Variants in ALCAM observed in about 807,000 individuals in gnomAD.
The protein encoded by ALCAM is CD166 antigen.
ALCAM carries 30 observed loss-of-function variants against 70.9 expected under a neutral mutation model. The observed-to-expected ratio is 0.42, with a 90% CI of 0.32 to 0.57. The LOEUF is 0.57. Ranked by LOEUF, ALCAM falls within the 20% of genes least tolerant of loss-of-function variation. The pLI is 0.11. For synonymous variants in ALCAM, 249 were observed against 242.5 expected, an observed-to-expected ratio of 1.03 and a Z score of -0.25; for missense variants, 591 against 695.1, an observed-to-expected ratio of 0.85 and a Z score of 1.68.
At chr3:105,573,971 A>C (rs1001222796) in intron 15 of ALCAM, among the ~76,000 whole-genome samples, 1 of 152,202 alleles carries the variant, frequency 6.6e-6, no homozygotes, top group African/African-American at 2.4e-5. Flanking sequence ...AGGAATCAGA[A>C]CTGGATTGCT....
chr3:105,569,617 A>G (rs1451375032), intron 14 of ALCAM, among the ~76,000 whole-genome samples: 2 of 152,240 alleles, frequency 1.3e-5, no homozygotes, highest in Non-Finnish European at 2.9e-5. Flanking sequence ...GGAAATAGAC[A>G]TAAAGGATCA....
chr3:105,461,536 A>T (rs1050787563), intron 1 of ALCAM, among the ~76,000 whole-genome samples: 1 of 151,870 alleles, frequency 6.6e-6, no homozygotes, highest in African/African-American at 2.4e-5. Flanking sequence ...TATTCTGGAA[A>T]GGGAGAGATC....
At chr3:105,551,013 G>T (rs1162752387) in intron 12 of ALCAM, among the ~76,000 whole-genome samples, 2 of 151,544 alleles carry the variant, frequency 1.3e-5, no homozygotes, top group Non-Finnish European at 3.0e-5. Flanking sequence ...ATGAGGCTCA[G>T]TTCTGGACAG....
chr3:105,413,982 C>A, intron 1 of ALCAM, among the ~76,000 whole-genome samples: 1 of 152,014 alleles, frequency 6.6e-6, no homozygotes, highest in Non-Finnish European at 1.5e-5. Flanking sequence ...ATGTTCAATG[C>A]TGGCAAAGGG....
At chr3:105,387,455 A>T (rs1935688889) in intron 1 of ALCAM, among the ~76,000 whole-genome samples, 2 of 151,658 alleles carry the variant, frequency 1.3e-5, no homozygotes, top group South Asian at 4.1e-4. Flanking sequence ...CTCACAGCAG[A>T]ACCTGTGTGT....
chr3:105,487,152 T>TA (rs11392771), intron 1 of ALCAM, among the ~76,000 whole-genome samples: 17,295 of 151,792 alleles, frequency 0.11, 1,161 homozygotes, highest in South Asian at 0.18. Context: ...AACTATTTTT[T>TA]AAAAAAACTA....
intron 1 of ALCAM, among the ~76,000 whole-genome samples, chr3:105,510,995 G>A (rs917165173): frequency 6.6e-6 from 1 of 151,958 alleles, no homozygotes; most frequent in East Asian, 1.9e-4. Context: ...CCTTAGAAAT[G>A]ATAAAACTAC....
intron 1 of ALCAM, among the ~76,000 whole-genome samples, chr3:105,370,238 T>C (rs1935192060): frequency 6.6e-6 from 1 of 152,214 alleles, no homozygotes; most frequent in South Asian, 2.1e-4. Flanking sequence ...TCAAAGACTA[T>C]TGATGTAGGA....
chr3:105,491,816 A>T (rs1475021983), intron 1 of ALCAM, among the ~76,000 whole-genome samples: 1 of 152,178 alleles, frequency 6.6e-6, no homozygotes, highest in East Asian at 1.9e-4. Flanking sequence ...GCTATTCAAC[A>T]AGTCTCTAGT....
chr3:105,552,288 T>G (rs1349849652), intron 13 of ALCAM, 106 bp downstream of exon 13: 1 of 1,328,174 alleles, frequency 7.5e-7, no homozygotes, highest in Non-Finnish European at 1.0e-6. Context: ...TGACTTGAAT[T>G]AAAATACCAA....
intron 1 of ALCAM, among the ~76,000 whole-genome samples, chr3:105,418,449 T>A (rs573556488): frequency 6.6e-6 from 1 of 151,558 alleles, no homozygotes; most frequent in Non-Finnish European, 1.5e-5. Flanking sequence ...GAATCTGAGA[T>A]CAAGCAGATG....
chr3:105,389,762 T>C (rs960875408), intron 1 of ALCAM, among the ~76,000 whole-genome samples: 3 of 147,632 alleles, frequency 2.0e-5, no homozygotes, highest in Non-Finnish European at 4.5e-5. Context: ...ACAGGTCCCA[T>C]TGTGTGTTGT....
At chr3:105,403,418 C>G (rs1936141521) in intron 1 of ALCAM, among the ~76,000 whole-genome samples, 2 of 152,152 alleles carry the variant, frequency 1.3e-5, no homozygotes, top group Admixed American at 1.3e-4. Context: ...AGACTCATTG[C>G]AGACACTCCC....
intron 7 of ALCAM, among the ~76,000 whole-genome samples, 163 bp from the exon 8 acceptor site, chr3:105,541,464 TGCCCAG>T: frequency 6.6e-6 from 1 of 152,022 alleles, no homozygotes; most frequent in Non-Finnish European, 1.5e-5. Context: ...ATTAATTATT[TGCCCAG>T]GAATCAGATA....
chr3:105,495,724 A>G (rs1938718740), intron 1 of ALCAM, among the ~76,000 whole-genome samples: 1 of 152,300 alleles, frequency 6.6e-6, no homozygotes, highest in East Asian at 1.9e-4. Flanking sequence ...TCAAAGTGCC[A>G]TTTACTACCT....
At chr3:105,440,612 G>C (rs780809815) in intron 1 of ALCAM, among the ~76,000 whole-genome samples, 21 of 152,144 alleles carry the variant, frequency 1.4e-4, no homozygotes, top group Non-Finnish European at 2.8e-4. Flanking sequence ...AGTCATTAAA[G>C]ATTTGCTGAA....
chr3:105,487,502 A>G (rs1938463392), intron 1 of ALCAM, among the ~76,000 whole-genome samples: 1 of 152,120 alleles, frequency 6.6e-6, no homozygotes, highest in African/African-American at 2.4e-5. Context: ...TTCTGCCCCC[A>G]GGTTCTATCA....
At chr3:105,406,040 A>G (rs964642966) in intron 1 of ALCAM, among the ~76,000 whole-genome samples, 1 of 152,200 alleles carries the variant, frequency 6.6e-6, no homozygotes, top group African/African-American at 2.4e-5. Context: ...CAGAGCTTAT[A>G]TACTTTCTAG....
chr3:105,451,731 G>A (rs940697795), intron 1 of ALCAM, among the ~76,000 whole-genome samples: 3 of 152,198 alleles, frequency 2.0e-5, no homozygotes, highest in African/African-American at 7.2e-5. Context: ...TTTGATCTAT[G>A]AAGAGGCATT....
Sources: allele counts gnomAD v4.1 joint callset (sites outside exome capture counted in the v4.1 genomes callset), GRCh38; gene constraint gnomAD v4.1.1; transcripts MANE v1.5; gene names NCBI Gene and HGNC (gene_info 2026-07-23, HGNC 2026-07-21).